The following CUX1 variants were observed in gnomAD, a reference collection of about 807,000 sequenced individuals.
CUX1 encodes the protein protein CASP.
CUX1 carries 31 observed loss-of-function variants against 158.8 expected under a neutral mutation model. That is an observed-to-expected ratio of 0.20 (90% confidence interval 0.15 to 0.26). The LOEUF (loss-of-function observed/expected upper bound fraction) is 0.26. CUX1 is among the 10% of genes least tolerant of loss of function. The pLI is 1.00. For missense variants in CUX1, 1,589 were observed against 2,014.6 expected, an observed-to-expected ratio of 0.79 and a Z score of 4.04; for synonymous variants, 879 against 862.1, an observed-to-expected ratio of 1.02 and a Z score of -0.34.
chr7:102,109,387 T>G (rs1830669622), intron 6 of CUX1, among the ~76,000 whole-genome samples: 1 of 152,222 alleles, frequency 6.6e-6, no homozygotes, highest in Admixed American at 6.5e-5. Context: ...AAATTTGATT[T>G]TATCTTGTGT....
intron 1 of CUX1, among the ~76,000 whole-genome samples, chr7:101,905,389 G>T (rs572409509): frequency 1.4e-4 from 21 of 152,186 alleles, no homozygotes; most frequent in Admixed American, 1.1e-3. Context: ...ACAGCAGACC[G>T]CTCTGCATCC....
intron 2 of CUX1, among the ~76,000 whole-genome samples, chr7:101,946,620 A>G (rs1163721762): frequency 2.0e-5 from 3 of 151,720 alleles, no homozygotes; most frequent in East Asian, 1.9e-4. Flanking sequence ...CAGCTGGCAA[A>G]TGTTGGGTTG....
intron 3 of CUX1, among the ~76,000 whole-genome samples, chr7:102,057,011 C>T (rs545894548): frequency 4.0e-5 from 6 of 150,410 alleles, no homozygotes; most frequent in South Asian, 2.1e-4. Flanking sequence ...AAGTGATTCT[C>T]CTGCCTCAGC....
intron 8 of CUX1, chr7:102,154,271 A>G (rs1836007498): frequency 6.6e-6 from 1 of 152,220 alleles, no homozygotes; most frequent in Non-Finnish European, 1.5e-5. Flanking sequence ...TTAGAGATCA[A>G]TTCAGGAGCT....
At chr7:101,850,334 A>T (rs960744822) in intron 1 of CUX1, among the ~76,000 whole-genome samples, 4 of 151,846 alleles carry the variant, frequency 2.6e-5, no homozygotes, top group Non-Finnish European at 5.9e-5. Flanking sequence ...GCTTAATATT[A>T]AAAAAGAACC....
chr7:102,155,671 T>A (rs553795168), intron 8 of CUX1, among the ~76,000 whole-genome samples: 1 of 152,120 alleles, frequency 6.6e-6, no homozygotes, highest in Non-Finnish European at 1.5e-5. Context: ...GGTAGCAGCT[T>A]TCTGCATTGA....
At chr7:102,063,383 CTTTTTTTT>C (rs11368644) in intron 3 of CUX1, among the ~76,000 whole-genome samples, 1 of 89,272 alleles carries the variant, frequency 1.1e-5, no homozygotes, top group Non-Finnish European at 2.1e-5. Flanking sequence ...ATTTCCTTTT[CTTTTTTTT>C]TTTTTTTTTT....
chr7:101,969,568 T>A (rs1811680183), intron 2 of CUX1, among the ~76,000 whole-genome samples: 1 of 152,132 alleles, frequency 6.6e-6, no homozygotes. Flanking sequence ...TTTCAGCCTT[T>A]CCAGCGTGCA....
At chr7:102,220,504 C>T (rs527523929) in intron 20 of CUX1, among the ~76,000 whole-genome samples, 2 of 152,210 alleles carry the variant, frequency 1.3e-5, no homozygotes, top group Admixed American at 6.5e-5. Flanking sequence ...GCCCACATCA[C>T]GATCTGTCCC....
At chr7:101,944,296 T>C (rs385854) in intron 2 of CUX1, among the ~76,000 whole-genome samples, 128,750 of 152,200 alleles carry the variant, frequency 0.85, 54,883 homozygotes, top group African/African-American at 0.91. Context: ...GCTGTTCATC[T>C]ACCCCAGTGC....
intron 3 of CUX1, among the ~76,000 whole-genome samples, chr7:102,054,125 G>C (rs1020064981): frequency 6.6e-6 from 1 of 151,978 alleles, no homozygotes; most frequent in African/African-American, 2.4e-5. Flanking sequence ...TCAGTTTCTT[G>C]GTAGCGTCTT....
intron 2 of CUX1, among the ~76,000 whole-genome samples, chr7:101,923,909 G>A (rs949253826): frequency 2.6e-5 from 4 of 152,168 alleles, no homozygotes; most frequent in Non-Finnish European, 5.9e-5. Flanking sequence ...CCCCTTCTAC[G>A]CCGGCCTGGC....
At chr7:101,975,907 A>G (rs904432259) in intron 2 of CUX1, among the ~76,000 whole-genome samples, 6 of 152,098 alleles carry the variant, frequency 3.9e-5, no homozygotes, top group African/African-American at 9.7e-5. Flanking sequence ...TTGGGAGGCC[A>G]AGGTGGGTGG....
rs10589615 is a variant in CUX1 at position 101,893,158 on chromosome 7, C to CTTTTTTTTTT, written c.31-22939_31-22930dup. On this transcript the variant is annotated intron_variant, in intron 1 of 23. Coordinates refer to ENST00000292535, the MANE Select transcript of CUX1 (RefSeq NM_181552.4). ...TTCTTTTTACTTTTTATTTTTATTA[C>CTTTTTTTTTT]TTTTTTTTTTTTTTTTTTTTTTTTT... Among the ~76,000 whole-genome samples, 11 of 64,954 alleles carry CTTTTTTTTTT rather than the reference C, an allele frequency of 1.7e-4. 4 individuals carry two copies. The highest frequency in any genetic ancestry group is 2.5e-4 in the Non-Finnish European group (9 of 36,624). The allele number at this position is 64,954 out of a possible 152,430, so 42.6% of individuals were successfully genotyped here. A position where few individuals can be genotyped will look rare whatever the true frequency, so the allele number is the denominator to read the frequency against.
chr7:101,911,372 A>ACCTTGG (rs757964017), intron 1 of CUX1, among the ~76,000 whole-genome samples: 14 of 121,194 alleles, frequency 1.2e-4, no homozygotes, highest in African/African-American at 2.2e-4. Context: ...GATGACCTGA[A>ACCTTGG]CCTTGGCCTT....
At chr7:101,961,084 A>T (rs1272680667) in intron 2 of CUX1, 1 of 152,244 alleles carries the variant, frequency 6.6e-6, no homozygotes, top group Non-Finnish European at 1.5e-5. Context: ...TGAAATTGGC[A>T]TTTGGAGAGT....
Position 102,256,569 on chromosome 7 carries a change from T to C in CUX1, c.*7527T>C. ...GTCTCCAGAGTAGCCACTCAAAAAC[T>C]GGTGGTCTCTATGTGTCTAACTTTT... On this transcript the variant is annotated 3_prime_UTR_variant, in exon 24 of 24. Coordinates refer to ENST00000292535, the MANE Select transcript of CUX1 (RefSeq NM_181552.4). 1.6e-5 allele frequency: 16 copies of C among 985,380 alleles called. No homozygotes were observed. The highest frequency in any genetic ancestry group is 1.8e-5 in the Non-Finnish European group (15 of 829,912). 61.0% of individuals were successfully genotyped at this position (985,380 alleles called of 1,614,324 possible). A position where few individuals can be genotyped will look rare whatever the true frequency, so the allele number is the denominator to read the frequency against.
intron 1 of CUX1, among the ~76,000 whole-genome samples, chr7:101,897,844 T>C (rs1427469592): frequency 6.6e-6 from 1 of 152,214 alleles, no homozygotes; most frequent in Non-Finnish European, 1.5e-5. Flanking sequence ...CTCTGTTCCT[T>C]GGACTTGATG....
At chr7:101,995,894 C>T (rs1321470527) in intron 2 of CUX1, among the ~76,000 whole-genome samples, 4 of 152,116 alleles carry the variant, frequency 2.6e-5, no homozygotes, top group Admixed American at 6.6e-5. Context: ...GGGTGGATCA[C>T]CTGAGGTCAG....
Sources: gnomAD v4.1 joint callset for allele counts (sites outside exome capture counted in the v4.1 genomes callset) on GRCh38, gnomAD v4.1.1 for gene constraint, MANE v1.5 for transcripts, NCBI Gene and HGNC (gene_info 2026-07-23, HGNC 2026-07-21) for gene names.